The following SHANK1 variants were observed in gnomAD, a reference collection of about 807,000 sequenced individuals.
SHANK1 encodes the protein SH3 and multiple ankyrin repeat domains 1, also known as SH3 and multiple ankyrin repeat domains protein 1.
SHANK1 carries 35 observed loss-of-function variants against 165.6 expected under a neutral mutation model. That is an observed-to-expected ratio of 0.21 (90% CI 0.16 to 0.28). SHANK1 has a LOEUF of 0.28. SHANK1 is among the 10% of genes least tolerant of loss of function. The pLI is 1.00. For missense variants in SHANK1, 2,681 were observed against 3,036.4 expected (o/e 0.88, Z 2.75); for synonymous variants, 1,428 against 1,384.8 (o/e 1.03, Z -0.69).
chr19:50,709,070 G>T (rs1315478938), intron 8 of SHANK1, among the ~76,000 whole-genome samples: 2 of 152,196 alleles, frequency 1.3e-5, no homozygotes, highest in Non-Finnish European at 2.9e-5. Context: ...GTTATGCATC[G>T]GTTTGTTAAG....
intron 8 of SHANK1, among the ~76,000 whole-genome samples, chr19:50,708,174 T>C (rs2088968263): frequency 6.6e-6 from 1 of 151,992 alleles, no homozygotes; most frequent in South Asian, 2.1e-4. Flanking sequence ...CTTGAACTCC[T>C]GACCTCGTGA....
intron 21 of SHANK1, among the ~76,000 whole-genome samples, chr19:50,674,267 G>C (rs1985904699): frequency 6.6e-6 from 1 of 152,054 alleles, no homozygotes; most frequent in Non-Finnish European, 1.5e-5. Flanking sequence ...GTAACAGGGA[G>C]AATCAGCCAA....
intron 21 of SHANK1, among the ~76,000 whole-genome samples, chr19:50,677,506 G>A (rs1223302340): frequency 6.6e-6 from 1 of 152,120 alleles, no homozygotes; most frequent in African/African-American, 2.4e-5. Context: ...TCTCCCTCAG[G>A]TGCAGCAGAA....
At chr19:50,676,974 G>A (rs1025897934) in intron 21 of SHANK1, among the ~76,000 whole-genome samples, 2 of 152,114 alleles carry the variant, frequency 1.3e-5, no homozygotes, top group African/African-American at 4.8e-5. Context: ...CTGGAATGCT[G>A]GTGCAATAGC....
rs1443793211 is a variant in SHANK1 at position 50,668,315 on chromosome 19, G to C, written c.3645C>G (p.Pro1215=). The C allele has an allele frequency of 7.8e-7, 1 of 1,282,246 alleles. No individual in the cohort carries two copies. The highest frequency in any genetic ancestry group is 1.6e-5 in the African/African-American group (1 of 64,298). 79.4% of individuals were successfully genotyped at this position (1,282,246 alleles called of 1,614,324 possible). ...SPVPPSPSPV[P]TPASPSGPAT... ...CCGGGCCGCTGGGCGAGGCGGGGGT[G>C]GGCACGGGCGAGGGGGACGGGGGCA... is the stretch of plus-strand genomic sequence containing the variant. The change falls in exon 23 of 24, where the codon CCC becomes CCG. Residue 1215 remains proline (P), a synonymous_variant. Coordinates refer to ENST00000293441, the MANE Select transcript of SHANK1 (RefSeq NM_016148.5).
Position 50,715,662 on chromosome 19 carries a change from C to T in SHANK1, c.528G>A (p.Thr176=), listed in dbSNP as rs756583675. 15 of 1,613,786 alleles carry T rather than the reference C, an allele frequency of 9.3e-6. No individual in the cohort carries two copies. Among genetic ancestry groups the T allele is most frequent in the Non-Finnish European group, 1.2e-5 (14 of 1,179,928 alleles). Residue 176 remains threonine (T), a synonymous_variant, in exon 4 of 24, where the codon ACG becomes ACA. Coordinates refer to ENST00000293441, the MANE Select transcript of SHANK1 (RefSeq NM_016148.5). ...LDEKQLAKLH[T]KTGLKKFLEY... ...GATGCCAGCAGGGTTTTCTCACCTT[C>T]GTGTGCAACTTGGCCAGCTGCTTCT...
intron 21 of SHANK1, among the ~76,000 whole-genome samples, chr19:50,685,279 C>T (rs1986296614): frequency 6.6e-6 from 1 of 152,188 alleles, no homozygotes; most frequent in Non-Finnish European, 1.5e-5. Context: ...ACCAGGATAG[C>T]CAGGGCTGTG....
chr19:50,705,893 A>T (rs1316692984), intron 8 of SHANK1, among the ~76,000 whole-genome samples: 1 of 151,890 alleles, frequency 6.6e-6, no homozygotes, highest in Admixed American at 6.6e-5. Flanking sequence ...GTGGTGGCTC[A>T]CTCCTGTAAT....
chr19:50,696,739 G>C (rs1437956920), intron 15 of SHANK1, among the ~76,000 whole-genome samples: 1 of 152,050 alleles, frequency 6.6e-6, no homozygotes. Context: ...TGCACAGAGA[G>C]GGACGGATGT....
At chr19:50,701,279 TCAAG>T (rs1293467759) in intron 12 of SHANK1, among the ~76,000 whole-genome samples, 2 of 150,320 alleles carry the variant, frequency 1.3e-5, no homozygotes, top group Non-Finnish European at 3.0e-5. Flanking sequence ...CCTCCCGGGT[TCAAG>T]CAATTTTCCT....
At chr19:50,696,161 C>T (rs564683093) in intron 15 of SHANK1, among the ~76,000 whole-genome samples, 2 of 152,284 alleles carry the variant, frequency 1.3e-5, no homozygotes, top group African/African-American at 4.8e-5. Flanking sequence ...GGGGACCACC[C>T]GCATTCAGCT....
rs566831288 is a variant in SHANK1, at chr19:50,693,198, C to T, written c.1964+3898G>A. Among the ~76,000 whole-genome samples, 8 of 149,588 alleles carry T rather than the reference C, an allele frequency of 5.3e-5. No individual in the cohort carries two copies. In the South Asian group the frequency reaches 1.7e-3, roughly 32 times the overall value. ...GTGTCCTCTTGGTATTCTCCCCCTA[C>T]TGCCCAAATCCCCACCCCCAAATAC... On this transcript the variant is annotated intron_variant, in intron 15 of 23. Coordinates refer to ENST00000293441, the MANE Select transcript of SHANK1 (RefSeq NM_016148.5).
chr19:50,662,781 G>C lies in SHANK1; in HGVS notation c.5769-99C>G. On this transcript the variant is annotated intron_variant, in intron 23 of 23. Transcript: ENST00000293441. This position sits in a 1 kb window ranked among gnomAD's most constrained non-coding sequence, Gnocchi z 7.7. ...AGGTCAAGATATAGGGAGAGAGGAG[G>C]AGAGACATAAGGGTAGGGGGAGAGA... is the stretch of plus-strand genomic sequence containing the variant. 9.2e-6 allele frequency: 12 copies of C among 1,310,226 alleles called. No homozygotes were observed. Among genetic ancestry groups the C allele is most frequent in the Non-Finnish European group, 1.2e-5 (11 of 941,566 alleles). The allele number at this position is 1,310,226 out of a possible 1,614,324, so 81.2% of individuals were successfully genotyped here. A position where few individuals can be genotyped will look rare whatever the true frequency, so the allele number is the denominator to read the frequency against.
rs1024990953 is a variant in SHANK1 at position 50,660,040 on chromosome 19, C to G, written c.*1925G>C. ...TCCCCTCATGGACGGAGCGCCCCCC[C>G]CTCTCGGGGGTAGGGGGCAGCAGAG... On this transcript the variant is annotated 3_prime_UTR_variant, in exon 24 of 24. Coordinates refer to ENST00000293441, the MANE Select transcript of SHANK1 (RefSeq NM_016148.5). 6.6e-6 allele frequency among the ~76,000 whole-genome samples: 1 copy of G among 151,300 alleles called. No homozygotes were observed. Among genetic ancestry groups the G allele is most frequent in the Non-Finnish European group, 1.5e-5 (1 of 67,698 alleles).
Position 50,712,098 on chromosome 19 carries a change from C to T in SHANK1, c.809G>A (p.Gly270Glu). The change falls in exon 7 of 24, where the codon GGG becomes GAG. Residue 270 changes from glycine (G) to glutamate (E), a missense_variant. Gly to Glu is a moderately conservative substitution (Grantham distance 98). Around this residue, in one of 10 missense-constraint regions of SHANK1, gnomAD observed 189 missense variants for 440.9 expected, o/e 0.43. Coordinates refer to ENST00000293441, the MANE Select transcript of SHANK1 (RefSeq NM_016148.5). Reference protein sequence around the residue: ...CLALTALLDLGGSPNYKDRRG... With the variant: ...CLALTALLDLEGSPNYKDRRG... ...ACGGTCCTTGTAGTTGGGGGAACCC[C>T]CAAGGTCCAGGAGCGCCTAGGAACG... is the stretch of plus-strand genomic sequence containing the variant. The T allele has an allele frequency of 6.2e-7, 1 of 1,603,038 alleles. No homozygotes were observed. The highest frequency in any genetic ancestry group is 8.5e-7 in the Non-Finnish European group (1 of 1,175,026).
chr19:50,702,709 A>C lies in SHANK1; in HGVS notation c.1554-49T>G. The C allele has an allele frequency of 1.7e-6, 2 of 1,196,086 alleles. No homozygotes were observed. The highest frequency in any genetic ancestry group is 2.3e-6 in the Non-Finnish European group (2 of 875,016). 74.1% of individuals were successfully genotyped at this position (1,196,086 alleles called of 1,614,324 possible). On this transcript the variant is annotated intron_variant, in intron 11 of 23. Transcript: ENST00000293441. This position sits in a 1 kb window ranked among gnomAD's most constrained non-coding sequence, Gnocchi z 5.3. The stretch of plus-strand genomic sequence containing the variant: ...GGAGGGGAGGGTGGAGGGAGGGGAC[A>C]CCTCTGGGAGGACAGGGGTCCTTGG...
chr19:50,682,888 C>T (rs1174547734), intron 21 of SHANK1, among the ~76,000 whole-genome samples: 1 of 152,176 alleles, frequency 6.6e-6, no homozygotes, highest in African/African-American at 2.4e-5. Context: ...TGCAGTGGCA[C>T]AATCGTGGCT....
At position 50,662,708 on chromosome 19, in the gene SHANK1, G is replaced by A. The variant is rs1252605908; in HGVS notation, c.5769-26C>T. 2 of 1,555,146 alleles carry A rather than the reference G, an allele frequency of 1.3e-6. No individual in the cohort carries two copies. Among genetic ancestry groups the A allele is most frequent in the Admixed American group, 1.9e-5 (1 of 51,302 alleles). On this transcript the variant is annotated intron_variant, in intron 23 of 23. Transcript: ENST00000293441. This position sits in a 1 kb window ranked among gnomAD's most constrained non-coding sequence, Gnocchi z 7.7. ...CTGGAATGTGACAAGGGGGCAGTGG[G>A]GGAGGACAGGGATTTAGGGGGCAAG... is the stretch of plus-strand genomic sequence containing the variant.
rs1485424707 is a variant in SHANK1 at position 50,688,383 on chromosome 19, A to G, written c.2173-325T>C. ...ACCCAGGTTGGGGTGCAGTGGCCCA[A>G]TCATGGCTCACTGCACCCTCGACTT... On this transcript the variant is annotated intron_variant, in intron 17 of 23. Coordinates refer to ENST00000293441, the MANE Select transcript of SHANK1 (RefSeq NM_016148.5). This position sits in a 1 kb window ranked among gnomAD's most constrained non-coding sequence, Gnocchi z 6.7. Among the ~76,000 whole-genome samples the G allele has an allele frequency of 1.3e-5, 2 of 152,214 alleles. No homozygotes were observed. The highest frequency in any genetic ancestry group is 2.4e-5 in the African/African-American group (1 of 41,530).
Sources: allele counts gnomAD v4.1 joint callset (sites outside exome capture counted in the v4.1 genomes callset), GRCh38; gene constraint gnomAD v4.1.1; regional missense constraint gnomAD v4.1.1; non-coding constraint Gnocchi (gnomAD v3.1); transcripts MANE v1.5; gene names NCBI Gene and HGNC (gene_info 2026-07-23, HGNC 2026-07-21).